AGBL4: variants seen among roughly 807,000 people sequenced by gnomAD.
AGBL4 encodes AGBL carboxypeptidase 4, also known as cytosolic carboxypeptidase 6.
In AGBL4, 58 loss-of-function variants were observed where a neutral mutation model predicts 66.4. The observed-to-expected ratio is 0.87, with a 90% CI of 0.71 to 1.09. AGBL4 has a LOEUF of 1.09. Among genes scored for constraint, AGBL4 ranks in the 50% least tolerant of loss-of-function variants. The probability of loss-of-function intolerance (pLI) is 0.00; values close to 1 mark genes in which losing one functional copy is unlikely to be tolerated. For missense variants in AGBL4, 579 were observed against 631.0 expected, an observed-to-expected ratio of 0.92 and a Z score of 0.88; for synonymous variants, 234 against 222.9, an observed-to-expected ratio of 1.05 and a Z score of -0.44.
chr1:49,545,254 G>T (rs1047925001), intron 3 of AGBL4, among the ~76,000 whole-genome samples: 1 of 152,082 alleles, frequency 6.6e-6, no homozygotes, highest in African/African-American at 2.4e-5. Flanking sequence ...GCCATGTTGG[G>T]GAGGCCCATG....
intron 2 of AGBL4, among the ~76,000 whole-genome samples, chr1:49,709,589 C>A (rs1647480180): frequency 6.6e-6 from 1 of 151,990 alleles, no homozygotes; most frequent in Admixed American, 6.6e-5. Context: ...CAACAAAAGC[C>A]AAAATTGATA....
At chr1:48,686,352 C>G (rs929160549) in intron 6 of AGBL4, among the ~76,000 whole-genome samples, 1 of 152,206 alleles carries the variant, frequency 6.6e-6, no homozygotes, top group Non-Finnish European at 1.5e-5. Context: ...GATGGATGCT[C>G]TTTGCACTTT....
At chr1:49,416,956 T>A in intron 3 of AGBL4, among the ~76,000 whole-genome samples, 1 of 152,250 alleles carries the variant, frequency 6.6e-6, no homozygotes, top group Middle Eastern at 3.4e-3. Context: ...AAAGACTAGG[T>A]GAGTCAGAGA....
chr1:48,848,555 C>T (rs1357258162), intron 6 of AGBL4, among the ~76,000 whole-genome samples: 2 of 152,118 alleles, frequency 1.3e-5, no homozygotes, highest in Non-Finnish European at 2.9e-5. Flanking sequence ...TAATTTAGAT[C>T]TCTATAATAC....
chr1:49,651,662 C>G (rs1331223256), intron 3 of AGBL4, among the ~76,000 whole-genome samples: 2 of 151,976 alleles, frequency 1.3e-5, no homozygotes, highest in Admixed American at 1.3e-4. Flanking sequence ...AAGAAACATA[C>G]ACAAGATACA....
At chr1:49,867,088 C>T (rs1204672793) in intron 1 of AGBL4, among the ~76,000 whole-genome samples, 1 of 152,030 alleles carries the variant, frequency 6.6e-6, no homozygotes. Context: ...TCCTGTCCTG[C>T]CGGGAGGTGC....
At position 49,647,855 on chromosome 1, in the gene AGBL4, A is replaced by C. The variant is rs953765738; in HGVS notation, c.282+49458T>G. On this transcript the variant is annotated intron_variant, in intron 3 of 13. Coordinates refer to ENST00000371839, the MANE Select transcript of AGBL4 (RefSeq NM_032785.4). ...ACAATCCAGAGGTATGGACTGACCCAAAAAAAAAAAAAAAAACCTGAGGAC... is the reference window on the plus strand; with the variant it reads ...ACAATCCAGAGGTATGGACTGACCCCAAAAAAAAAAAAAAAACCTGAGGAC... Among the ~76,000 whole-genome samples, 54 of 120,086 alleles carry C rather than the reference A, an allele frequency of 4.5e-4. 1 individual carries two copies. The South Asian group carries it at 6.3e-3, about 14-fold the overall frequency. 78.8% of individuals were successfully genotyped at this position (120,086 alleles called of 152,430 possible). A position where few individuals can be genotyped will look rare whatever the true frequency, so the allele number is the denominator to read the frequency against.
chr1:48,931,328 G>A (rs1222832768), intron 5 of AGBL4, among the ~76,000 whole-genome samples: 1 of 152,148 alleles, frequency 6.6e-6, no homozygotes, highest in Non-Finnish European at 1.5e-5. Flanking sequence ...CCATAAAAAT[G>A]ACAGCTATTG....
chr1:49,129,588 T>C (rs1645844523), intron 4 of AGBL4, among the ~76,000 whole-genome samples: 1 of 151,854 alleles, frequency 6.6e-6, no homozygotes, highest in Non-Finnish European at 1.5e-5. Flanking sequence ...CTTGCGATAG[T>C]TTACTGAGAA....
intron 3 of AGBL4, among the ~76,000 whole-genome samples, chr1:49,564,237 T>C (rs921600741): frequency 1.3e-5 from 2 of 152,218 alleles, no homozygotes; most frequent in Non-Finnish European, 2.9e-5. Flanking sequence ...ATCAATTTTG[T>C]TGATCTTTTC....
intron 4 of AGBL4, among the ~76,000 whole-genome samples, chr1:49,113,162 G>C (rs928599713): frequency 4.0e-5 from 6 of 151,726 alleles, no homozygotes; most frequent in Non-Finnish European, 8.8e-5. Context: ...ATGTTAGCCA[G>C]GATGGTCTTG....
chr1:49,827,989 A>G (rs1645555314), intron 2 of AGBL4, among the ~76,000 whole-genome samples: 1 of 152,234 alleles, frequency 6.6e-6, no homozygotes, highest in Non-Finnish European at 1.5e-5. Context: ...TCAATAAATC[A>G]AACAAGCTTC....
At chr1:49,381,299 T>C (rs1027278162) in intron 3 of AGBL4, among the ~76,000 whole-genome samples, 3 of 152,086 alleles carry the variant, frequency 2.0e-5, no homozygotes, top group Non-Finnish European at 4.4e-5. Context: ...CAATGAGATA[T>C]CATCTCACAC....
intron 2 of AGBL4, among the ~76,000 whole-genome samples, chr1:49,770,750 G>T (rs1644033614): frequency 6.6e-6 from 1 of 151,998 alleles, no homozygotes; most frequent in South Asian, 2.1e-4. Context: ...TATGTTGTAT[G>T]TATTCAGGAA....
chr1:48,523,541 C>A, the AGBL4 span, among the ~76,000 whole-genome samples: 1 of 152,114 alleles, frequency 6.6e-6, no homozygotes, highest in East Asian at 1.9e-4. Flanking sequence ...CTCTTTCAAC[C>A]AAACCACATG....
Position 49,530,136 on chromosome 1 carries a change from A to C in AGBL4, c.282+167177T>G, listed in dbSNP as rs536543770. Among the ~76,000 whole-genome samples, 69 of 151,912 alleles carry C rather than the reference A, an allele frequency of 4.5e-4. 1 individual carries two copies. The highest frequency in any genetic ancestry group is 1.2e-3 in the African/African-American group (48 of 41,478). On this transcript the variant is annotated intron_variant, in intron 3 of 13. Transcript: ENST00000371839. ...TAAGAGACTTGACTTCACTGAACCT[A>C]AATTATCATCAACATTGTCGTCATG...
intron 5 of AGBL4, among the ~76,000 whole-genome samples, chr1:49,031,097 C>G (rs540732062): frequency 6.6e-6 from 1 of 151,846 alleles, no homozygotes; most frequent in East Asian, 1.9e-4. Context: ...TTTTCTGTTT[C>G]TTTGTCTTTT....
chr1:49,872,733 C>T (rs1412848309), intron 1 of AGBL4, among the ~76,000 whole-genome samples: 1 of 151,918 alleles, frequency 6.6e-6, no homozygotes, highest in African/African-American at 2.4e-5. Flanking sequence ...GCTTTTTATG[C>T]AAATAAGCCA....
intron 2 of AGBL4, among the ~76,000 whole-genome samples, chr1:49,828,290 TAAAC>T (rs1478793654): frequency 1.3e-5 from 2 of 152,022 alleles, no homozygotes; most frequent in Admixed American, 1.3e-4. Flanking sequence ...GAAAGGCAGA[TAAAC>T]AAATAAAAAA....
Sources: allele counts gnomAD v4.1 joint callset (sites outside exome capture counted in the v4.1 genomes callset), GRCh38; gene constraint gnomAD v4.1.1; transcripts MANE v1.5; gene names NCBI Gene and HGNC (gene_info 2026-07-23, HGNC 2026-07-21).